The following CSMD1 variants were observed in gnomAD, a reference collection of about 807,000 sequenced individuals.
CSMD1 encodes the protein CUB and sushi domain-containing protein 1.
CSMD1 carries 213 observed loss-of-function variants against 417.5 expected under a neutral mutation model. The ratio of observed to expected loss-of-function variants is 0.51; its 90% CI spans 0.46 to 0.57. The LOEUF (loss-of-function observed/expected upper bound fraction) is 0.57. Among genes scored for constraint, CSMD1 ranks in the 20% least tolerant of loss-of-function variants. The pLI, the probability that CSMD1 is intolerant of heterozygous loss-of-function variation, is 0.00. For missense variants in CSMD1, 6,923 were observed against 4,529.7 expected (o/e 1.53, Z -15.17); for synonymous variants, 2,862 against 1,736.8 (o/e 1.65, Z -16.11).
intron 7 of CSMD1, among the ~76,000 whole-genome samples, chr8:3,631,119 G>C (rs1360584816): frequency 1.3e-5 from 2 of 152,168 alleles, no homozygotes; most frequent in Non-Finnish European, 2.9e-5. Flanking sequence ...ACAGGTATCA[G>C]CTCAGATGTC....
intron 3 of CSMD1, among the ~76,000 whole-genome samples, chr8:4,271,827 G>C (rs1318815399): frequency 2.6e-5 from 4 of 152,050 alleles, no homozygotes; most frequent in South Asian, 2.1e-4. Flanking sequence ...TGATTACTTG[G>C]TCCTGGCAGC....
intron 1 of CSMD1, among the ~76,000 whole-genome samples, chr8:4,808,605 C>A (rs1481356094): frequency 6.6e-6 from 1 of 152,098 alleles, no homozygotes; most frequent in Non-Finnish European, 1.5e-5. Context: ...AATGGTTTCA[C>A]CCAAAAATTA....
intron 3 of CSMD1, among the ~76,000 whole-genome samples, chr8:4,211,009 G>A (rs894097730): frequency 6.6e-6 from 1 of 152,044 alleles, no homozygotes; most frequent in Non-Finnish European, 1.5e-5. Flanking sequence ...GAACCACAAT[G>A]AAATAAAAGT....
intron 10 of CSMD1, among the ~76,000 whole-genome samples, chr8:3,564,232 C>G (rs1487505614): frequency 2.0e-5 from 3 of 152,038 alleles, no homozygotes; most frequent in African/African-American, 7.2e-5. Flanking sequence ...CTATTGAATA[C>G]TAGAATTTTT....
At position 4,209,155 on chromosome 8, in the gene CSMD1, C is replaced by A. The variant is rs184956392; in HGVS notation, c.416-177056G>T. On this transcript the variant is annotated intron_variant, in intron 3 of 69. Transcript: ENST00000635120. ...GATTTCTATCTAAAACCAAAATCTG[C>A]CCTAGAGCCCAAGGTTCTTTCCAGA... Among the ~76,000 whole-genome samples the A allele has an allele frequency of 1.1e-3, 161 of 152,296 alleles. 1 individual carries two copies. Among genetic ancestry groups the A allele is most frequent in the African/African-American group, 3.5e-3 (147 of 41,570 alleles).
chr8:4,538,110 A>G (rs1302864663), intron 2 of CSMD1, among the ~76,000 whole-genome samples: 1 of 152,130 alleles, frequency 6.6e-6, no homozygotes, highest in African/African-American at 2.4e-5. Context: ...AAAACCTCAA[A>G]TAAAATAGAC....
At chr8:3,488,683 G>C (rs1021194958) in intron 11 of CSMD1, among the ~76,000 whole-genome samples, 2 of 152,104 alleles carry the variant, frequency 1.3e-5, no homozygotes, top group African/African-American at 2.4e-5. Context: ...ATTATTTAAA[G>C]AATCAAGCAA....
At chr8:3,577,868 C>A (rs938177110) in intron 9 of CSMD1, among the ~76,000 whole-genome samples, 1 of 152,066 alleles carries the variant, frequency 6.6e-6, no homozygotes, top group Non-Finnish European at 1.5e-5. Context: ...GTCAGAATCA[C>A]CCTCAGTTTT....
intron 10 of CSMD1, among the ~76,000 whole-genome samples, chr8:3,519,593 A>G (rs1355023996): frequency 6.6e-6 from 1 of 152,156 alleles, no homozygotes; most frequent in Admixed American, 6.6e-5. Flanking sequence ...ACTACCTTCA[A>G]ATCAGAAAGG....
intron 3 of CSMD1, among the ~76,000 whole-genome samples, chr8:4,260,864 CAAATCTT>C (rs1445069021): frequency 6.6e-6 from 1 of 152,122 alleles, no homozygotes; most frequent in African/African-American, 2.4e-5. Context: ...GTTAGAAAGA[CAAATCTT>C]AATCTTTGTC....
At chr8:3,654,186 G>C (rs1797991613) in intron 7 of CSMD1, among the ~76,000 whole-genome samples, 1 of 152,138 alleles carries the variant, frequency 6.6e-6, no homozygotes, top group Non-Finnish European at 1.5e-5. Context: ...ATCATTCTCA[G>C]CAGTGTTTTA....
intron 1 of CSMD1, among the ~76,000 whole-genome samples, chr8:4,693,381 G>A (rs1806902286): frequency 6.6e-6 from 1 of 152,198 alleles, no homozygotes; most frequent in Non-Finnish European, 1.5e-5. Context: ...AAAACAGCTG[G>A]ATGGTAGGAG....
At chr8:3,425,206 A>C (rs1392570118) in intron 12 of CSMD1, among the ~76,000 whole-genome samples, 2 of 152,194 alleles carry the variant, frequency 1.3e-5, no homozygotes, top group East Asian at 1.9e-4. Context: ...CGCATAGAGA[A>C]AGCATAATAC....
At chr8:3,346,832 C>T (rs908508336) in intron 22 of CSMD1, among the ~76,000 whole-genome samples, 7 of 152,148 alleles carry the variant, frequency 4.6e-5, no homozygotes, top group East Asian at 1.9e-4. Context: ...TGTGCATCTA[C>T]GTAGATGTAA....
intron 49 of CSMD1, among the ~76,000 whole-genome samples, chr8:3,072,679 C>G (rs1813399692): frequency 6.6e-6 from 1 of 152,138 alleles, no homozygotes; most frequent in South Asian, 2.1e-4. Context: ...ACTAGGGAAG[C>G]AGATGTGGCA....
chr8:4,935,238 G>T (rs146701650), intron 1 of CSMD1, among the ~76,000 whole-genome samples: 1 of 152,110 alleles, frequency 6.6e-6, no homozygotes, highest in African/African-American at 2.4e-5. Flanking sequence ...AGTTCTTCCT[G>T]CCCCACACCT....
intron 25 of CSMD1, among the ~76,000 whole-genome samples, chr8:3,300,646 C>G (rs1026633967): frequency 1.3e-5 from 2 of 152,024 alleles, no homozygotes; most frequent in East Asian, 3.9e-4. Flanking sequence ...CTTGTCACAT[C>G]ATTATGTACA....
chr8:3,290,141 A>T (rs1269577555), intron 25 of CSMD1, among the ~76,000 whole-genome samples: 1 of 146,494 alleles, frequency 6.8e-6, no homozygotes, highest in African/African-American at 2.7e-5. Context: ...AGTTGTAGAT[A>T]TGCAGCATTA....
At chr8:4,044,105 A>G (rs1328224373) in intron 3 of CSMD1, among the ~76,000 whole-genome samples, 2 of 152,248 alleles carry the variant, frequency 1.3e-5, no homozygotes, top group East Asian at 1.9e-4. Flanking sequence ...ATATTATTTG[A>G]TATGATATTT....
Sources: allele counts gnomAD v4.1 joint callset (sites outside exome capture counted in the v4.1 genomes callset), GRCh38; gene constraint gnomAD v4.1.1; transcripts MANE v1.5; gene names NCBI Gene and HGNC (gene_info 2026-07-23, HGNC 2026-07-21).